The following ARHGAP15 variants were observed in gnomAD, a reference collection of about 807,000 sequenced individuals.
ARHGAP15 encodes rho GTPase-activating protein 15.
Under a neutral mutation model 63.7 loss-of-function variants are expected in ARHGAP15, and 51 were observed. That is an observed-to-expected ratio of 0.80 (90% CI 0.64 to 1.01). The LOEUF (loss-of-function observed/expected upper bound fraction) is 1.01, where lower values mean the gene tolerates loss of function less well. Among genes scored for constraint, ARHGAP15 ranks in the 50% least tolerant of loss-of-function variants. The pLI is 0.00. For missense variants in ARHGAP15, 560 were observed against 564.6 expected (o/e 0.99, Z 0.08); for synonymous variants, 191 against 193.8 (o/e 0.99, Z 0.12).
chr2:143,608,062 C>A (rs190894562), intron 11 of ARHGAP15: 2 of 152,300 alleles, frequency 1.3e-5, no homozygotes, highest in Admixed American at 6.5e-5. Flanking sequence ...ATACCTTTCC[C>A]CCTCCCTTCT....
intron 6 of ARHGAP15, among the ~76,000 whole-genome samples, chr2:143,264,470 G>A (rs145591227): frequency 1.3e-5 from 2 of 152,172 alleles, no homozygotes; most frequent in East Asian, 1.9e-4. Flanking sequence ...ATATTCCCAA[G>A]AGTCAAGGAG....
intron 3 of ARHGAP15, among the ~76,000 whole-genome samples, chr2:143,210,364 A>G (rs1692518956): frequency 6.6e-6 from 1 of 151,484 alleles, no homozygotes; most frequent in Admixed American, 6.6e-5. Flanking sequence ...TTGCCAGATG[A>G]AAGGTTCAGA....
intron 2 of ARHGAP15, among the ~76,000 whole-genome samples, chr2:143,169,542 T>C (rs1293450252): frequency 6.6e-6 from 1 of 152,074 alleles, no homozygotes; most frequent in Non-Finnish European, 1.5e-5. Flanking sequence ...AAATAGTTAT[T>C]TCATGTATTC....
At chr2:143,364,546 C>T (rs1686211619) in intron 6 of ARHGAP15, among the ~76,000 whole-genome samples, 1 of 152,012 alleles carries the variant, frequency 6.6e-6, no homozygotes, top group South Asian at 2.1e-4. Flanking sequence ...TTATAAGTAC[C>T]AAGTAAATGC....
chr2:143,727,812 C>T (rs998047010), intron 13 of ARHGAP15, among the ~76,000 whole-genome samples: 4 of 152,148 alleles, frequency 2.6e-5, no homozygotes, highest in Admixed American at 2.6e-4. Context: ...TTTTACTCTA[C>T]CTTCAAATGC....
At chr2:143,298,047 T>G (rs1333296232) in intron 6 of ARHGAP15, among the ~76,000 whole-genome samples, 1 of 152,006 alleles carries the variant, frequency 6.6e-6, no homozygotes, top group African/African-American at 2.4e-5. Flanking sequence ...CCTGGGTTCA[T>G]AGATATCATT....
At chr2:143,563,627 GAAATT>G (rs1238778287) in intron 11 of ARHGAP15, among the ~76,000 whole-genome samples, 6 of 152,136 alleles carry the variant, frequency 3.9e-5, no homozygotes, top group Non-Finnish European at 7.4e-5. Flanking sequence ...ACTGAGTCTG[GAAATT>G]AAATTAGTCA....
At chr2:143,171,429 G>A (rs1175226319) in intron 2 of ARHGAP15, among the ~76,000 whole-genome samples, 1 of 152,098 alleles carries the variant, frequency 6.6e-6, no homozygotes, top group East Asian at 1.9e-4. Context: ...AAGAGTGGGG[G>A]ACTGGCAGTA....
chr2:143,167,204 G>C (rs1690577873), intron 2 of ARHGAP15, among the ~76,000 whole-genome samples: 2 of 152,144 alleles, frequency 1.3e-5, no homozygotes, highest in Admixed American at 1.3e-4. Flanking sequence ...ATAATTTATG[G>C]GGTTGATTGT....
chr2:143,242,433 A>T (rs950515866), intron 5 of ARHGAP15, among the ~76,000 whole-genome samples: 3 of 152,238 alleles, frequency 2.0e-5, no homozygotes, highest in Non-Finnish European at 4.4e-5. Flanking sequence ...ATGTAAATGT[A>T]AGACTATATC....
Position 143,545,865 on chromosome 2 carries a change from C to T in ARHGAP15, c.926-10543C>T, listed in dbSNP as rs550045162. Among the ~76,000 whole-genome samples the T allele has an allele frequency of 1.7e-4, 26 of 152,134 alleles. No individual in the cohort carries two copies. The South Asian group carries it at 5.2e-3, about 30-fold the overall frequency. On this transcript the variant is annotated intron_variant, in intron 10 of 13. Coordinates refer to ENST00000295095, the MANE Select transcript of ARHGAP15 (RefSeq NM_018460.4). The stretch of plus-strand genomic sequence containing the variant: ...TTAAAATAGCTGCTGGAGCTCATGG[C>T]ATACAGATGACAAGATTCACAAAAA...
intron 12 of ARHGAP15, among the ~76,000 whole-genome samples, chr2:143,646,446 G>A (rs1004936968): frequency 1.3e-5 from 2 of 151,910 alleles, no homozygotes; most frequent in Non-Finnish European, 2.9e-5. Flanking sequence ...TTATAAAGTG[G>A]GCCACTGCAT....
At chr2:143,764,700 T>C (rs1686888604) in intron 13 of ARHGAP15, among the ~76,000 whole-genome samples, 1 of 152,176 alleles carries the variant, frequency 6.6e-6, no homozygotes, top group African/African-American at 2.4e-5. Context: ...TCATCTCCCT[T>C]GATTTTTAGC....
intron 6 of ARHGAP15, among the ~76,000 whole-genome samples, chr2:143,251,395 C>A (rs1258754702): frequency 6.6e-6 from 1 of 151,888 alleles, no homozygotes; most frequent in African/African-American, 2.4e-5. Context: ...CTTCTGAGAG[C>A]ATGTTGGCCC....
At chr2:143,420,966 G>T (rs1378780952) in intron 6 of ARHGAP15, among the ~76,000 whole-genome samples, 1 of 152,150 alleles carries the variant, frequency 6.6e-6, no homozygotes, top group Non-Finnish European at 1.5e-5. Context: ...TCATGGTGCT[G>T]CAGGATGCAA....
chr2:143,437,014 A>T lies in ARHGAP15; in HGVS notation c.675A>T (p.Glu225Asp), dbSNP rs1289373783. ...LLSHYDSDIK[E>D]QKPEHRKSLM... ...GTCACTACGACAGTGATATAAAAGA[A>T]CAGAAACCAGAGCACAGAAAATCTT... The change falls in exon 8 of 14, where the codon GAA becomes GAT. Residue 225 changes from glutamate to aspartate, a missense_variant. Glu to Asp is a conservative substitution (Grantham distance 45, BLOSUM62 2). Transcript: ENST00000295095. 3 of 1,604,208 alleles carry T rather than the reference A, an allele frequency of 1.9e-6. No homozygotes were observed. The Admixed American group carries it at 5.2e-5, about 28-fold the overall frequency.
intron 10 of ARHGAP15, chr2:143,533,141 C>A (rs1272138831): frequency 1.3e-5 from 2 of 152,244 alleles, no homozygotes; most frequent in Non-Finnish European, 2.9e-5. Context: ...TGATCACTAC[C>A]CTGAGTGACA....
intron 6 of ARHGAP15, among the ~76,000 whole-genome samples, chr2:143,416,821 ACCCCCCC>A (rs1558957087): frequency 1.5e-4 from 11 of 73,838 alleles, no homozygotes; most frequent in African/African-American, 5.9e-4. Flanking sequence ...TTCCCCCACC[ACCCCCCC>A]ACCCCCACGC....
intron 13 of ARHGAP15, among the ~76,000 whole-genome samples, chr2:143,721,301 A>G (rs929949089): frequency 6.6e-6 from 1 of 152,212 alleles, no homozygotes; most frequent in Non-Finnish European, 1.5e-5. Context: ...CAGAATTATC[A>G]GGTTTGCATC....
Sources: gnomAD v4.1 joint callset for allele counts (sites outside exome capture counted in the v4.1 genomes callset) on GRCh38, gnomAD v4.1.1 for gene constraint, MANE v1.5 for transcripts, NCBI Gene and HGNC (gene_info 2026-07-23, HGNC 2026-07-21) for gene names.